CASS4: variants seen among roughly 807,000 people sequenced by gnomAD.
CASS4 encodes cas scaffolding protein family member 4.
In CASS4, 22 loss-of-function variants were observed where a neutral mutation model predicts 54.2. The observed-to-expected ratio is 0.41, with a 90% CI of 0.29 to 0.58. The LOEUF is 0.58. Ranked by LOEUF, CASS4 falls within the 20% of genes least tolerant of loss-of-function variation. The probability of loss-of-function intolerance (pLI) is 0.36; values close to 1 mark genes in which losing one functional copy is unlikely to be tolerated. For missense variants in CASS4, 854 were observed against 986.7 expected, an observed-to-expected ratio of 0.87 and a Z score of 1.80; for synonymous variants, 409 against 391.5, an observed-to-expected ratio of 1.04 and a Z score of -0.53.
At chr20:56,447,610 G>A (rs1980779297) in intron 3 of CASS4, among the ~76,000 whole-genome samples, 1 of 152,186 alleles carries the variant, frequency 6.6e-6, no homozygotes, top group Non-Finnish European at 1.5e-5. Flanking sequence ...TCCTTGCTGA[G>A]CATCTCTTAC....
chr20:56,443,746 A>T (rs1315502973), intron 2 of CASS4, among the ~76,000 whole-genome samples: 1 of 152,102 alleles, frequency 6.6e-6, no homozygotes, highest in Admixed American at 6.5e-5. Context: ...AGGCTGGACG[A>T]GGGCCGCTCT....
intron 5 of CASS4, chr20:56,453,369 T>C (rs1981136895): frequency 5.5e-6 from 2 of 364,240 alleles, no homozygotes; most frequent in South Asian, 7.6e-5. Context: ...CGAAAACTTT[T>C]GGCGTTCAAG....
chr20:56,420,747 G>A (rs1480225379), intron 1 of CASS4, among the ~76,000 whole-genome samples: 1 of 152,038 alleles, frequency 6.6e-6, no homozygotes, highest in East Asian at 1.9e-4. Flanking sequence ...AGAAGCACAA[G>A]AGTCAGTAAT....
intron 1 of CASS4, among the ~76,000 whole-genome samples, chr20:56,422,998 G>A (rs886148477): frequency 5.3e-5 from 8 of 152,164 alleles, no homozygotes; most frequent in African/African-American, 1.4e-4. Context: ...GAGAGAATGC[G>A]TTATGTAACC....
intron 3 of CASS4, among the ~76,000 whole-genome samples, chr20:56,448,058 C>A (rs1160262969): frequency 6.6e-6 from 1 of 151,208 alleles, no homozygotes; most frequent in Non-Finnish European, 1.5e-5. Flanking sequence ...AGGAGAGTGG[C>A]GTGAACCCGG....
At chr20:56,455,338 G>A (rs192928791) in intron 5 of CASS4, among the ~76,000 whole-genome samples, 62 of 152,298 alleles carry the variant, frequency 4.1e-4, no homozygotes, top group Non-Finnish European at 7.8e-4. Context: ...ACTTGTAAAG[G>A]TTGTAAAGGT....
In CASS4 at chr20:56,414,604, C is replaced by T. The variant is rs938166032; in HGVS notation, c.36+2110C>T. Among the ~76,000 whole-genome samples, 8 of 152,030 alleles carry T rather than the reference C, an allele frequency of 5.3e-5. No individual in the cohort carries two copies. Among genetic ancestry groups the T allele is most frequent in the African/African-American group, 1.9e-4 (8 of 41,404 alleles). On this transcript the variant is annotated intron_variant, in intron 1 of 5. Coordinates refer to ENST00000679887, the MANE Select transcript of CASS4 (RefSeq NM_020356.4). This position sits in a 1 kb window ranked among gnomAD's most constrained non-coding sequence, Gnocchi z 4.1. ...AATTTGTAAATAACATGCATGTTTGCATAGAACATATAATTGATATTCCCA... is the reference window on the plus strand; with the variant it reads ...AATTTGTAAATAACATGCATGTTTGTATAGAACATATAATTGATATTCCCA...
At chr20:56,422,943 G>A (rs1979478077) in intron 1 of CASS4, among the ~76,000 whole-genome samples, 2 of 152,204 alleles carry the variant, frequency 1.3e-5, no homozygotes, top group African/African-American at 2.4e-5. Context: ...GGCCACAAAG[G>A]CTATTTGCAT....
In CASS4 at chr20:56,414,567, G is replaced by A. The variant is rs781029185; in HGVS notation, c.36+2073G>A. On this transcript the variant is annotated intron_variant, in intron 1 of 5. Transcript: ENST00000679887. This position sits in a 1 kb window ranked among gnomAD's most constrained non-coding sequence, Gnocchi z 4.1. ...TACAGGATTACAGGTGCACACCACC[G>A]AGCCCCACTGCAATTTGTAAATAAC... is the stretch of plus-strand genomic sequence containing the variant. Among the ~76,000 whole-genome samples the A allele has an allele frequency of 2.0e-4, 31 of 151,870 alleles. No homozygotes were observed. Among genetic ancestry groups the A allele is most frequent in the Non-Finnish European group, 3.5e-4 (24 of 67,984 alleles).
At chr20:56,429,270 C>T (rs943066969) in intron 1 of CASS4, among the ~76,000 whole-genome samples, 1 of 152,158 alleles carries the variant, frequency 6.6e-6, no homozygotes, top group Non-Finnish European at 1.5e-5. Context: ...TTTCCCTGGC[C>T]CATTCAGCAG....
chr20:56,455,597 C>T (rs1215072626), intron 5 of CASS4, among the ~76,000 whole-genome samples: 1 of 152,224 alleles, frequency 6.6e-6, no homozygotes, highest in Non-Finnish European at 1.5e-5. Context: ...GTGGTTCTCA[C>T]ATTTGAGTGT....
Position 56,446,015 on chromosome 20 carries a change from AG to A in CASS4, c.561+18del, listed in dbSNP as rs768201081. On this transcript the variant is annotated intron_variant, in intron 3 of 5. Coordinates refer to ENST00000679887, the MANE Select transcript of CASS4 (RefSeq NM_020356.4). ...GTGGTCCTGAAGGTGAGCCTTGTTCAGGGGCCCCTCATCACCCAGACCTCTG... is the reference window on the plus strand; with the variant it reads ...GTGGTCCTGAAGGTGAGCCTTGTTCAGGGCCCCTCATCACCCAGACCTCTG... 3.2e-6 allele frequency: 5 copies of A among 1,582,032 alleles called. No individual in the cohort carries two copies. In the South Asian group the frequency reaches 5.5e-5, roughly 18 times the overall value.
Position 56,437,208 on chromosome 20 carries a change from T to C in CASS4, c.81T>C (p.Ser27=), listed in dbSNP as rs1980217032. The C allele has an allele frequency of 6.3e-7, 1 of 1,599,254 alleles. No individual in the cohort carries two copies. The highest frequency in any genetic ancestry group is 8.5e-7 in the Non-Finnish European group (1 of 1,171,234). ...TTTATGACAACTGCCCTGACTGCTC[T>C]GACGAGCTGGCTTTCAGCAGAGGGG... ...RALYDNCPDC[S]DELAFSRGDI... Residue 27 remains serine, a synonymous_variant, in exon 2 of 6, where the codon TCT becomes TCC. Transcript: ENST00000679887. The surrounding 1 kb of genome is among the most constrained non-coding windows in gnomAD (Gnocchi z 4.7).
At chr20:56,431,114 A>G (rs1194482319) in intron 1 of CASS4, among the ~76,000 whole-genome samples, 1 of 152,014 alleles carries the variant, frequency 6.6e-6, no homozygotes, top group Non-Finnish European at 1.5e-5. Context: ...ATTAGAATTT[A>G]AGTGACCTTG....
At chr20:56,456,307 C>T (rs142429715) in intron 5 of CASS4, among the ~76,000 whole-genome samples, 37 of 152,206 alleles carry the variant, frequency 2.4e-4, no homozygotes, top group African/African-American at 6.5e-4. Flanking sequence ...CACCTCCCTA[C>T]GGTTAATATT....
chr20:56,442,773 T>C lies in CASS4; in HGVS notation c.460-3127T>C, dbSNP rs112475294. ...TCAGATTTCCTGGTGAAACTGCTTT[T>C]GGATCCACTAGTTCCTGAACTGGAG... On this transcript the variant is annotated intron_variant, in intron 2 of 5. Coordinates refer to ENST00000679887, the MANE Select transcript of CASS4 (RefSeq NM_020356.4). Among the ~76,000 whole-genome samples, 13 of 152,000 alleles carry C rather than the reference T, an allele frequency of 8.6e-5. 1 individual carries two copies. Among genetic ancestry groups the C allele is most frequent in the African/African-American group, 3.2e-4 (13 of 41,244 alleles).
At chr20:56,435,773 CAG>C (rs1359839256) in intron 1 of CASS4, among the ~76,000 whole-genome samples, 2 of 152,090 alleles carry the variant, frequency 1.3e-5, no homozygotes, top group African/African-American at 2.4e-5. Context: ...GTTTTTGAGA[CAG>C]AGTCTCCCTC....
At position 56,412,317 on chromosome 20, in the gene CASS4, C is replaced by G. The variant is rs1324998078; in HGVS notation, c.-142C>G. On this transcript the variant is annotated 5_prime_UTR_variant, in exon 1 of 6. In the 5' UTR this introduces an upstream ATG that the reference lacks. Transcript: ENST00000679887. This position sits in a 1 kb window ranked among gnomAD's most constrained non-coding sequence, Gnocchi z 4.2. ...TGCCTGCTGGGAGAGTCTTTTTGATCGTTTCCCATGTGTTGTCAGATAGCT... is the reference window on the plus strand; with the variant it reads ...TGCCTGCTGGGAGAGTCTTTTTGATGGTTTCCCATGTGTTGTCAGATAGCT... The G allele has an allele frequency of 1.1e-6, 1 of 874,344 alleles. No individual in the cohort carries two copies. The highest frequency in any genetic ancestry group is 1.7e-5 in the African/African-American group (1 of 58,600). 54.2% of individuals were successfully genotyped at this position (874,344 alleles called of 1,614,324 possible).
At chr20:56,457,447 A>T (rs2870739) in intron 5 of CASS4, among the ~76,000 whole-genome samples, 61,206 of 151,986 alleles carry the variant, frequency 0.4, 13,363 homozygotes, top group East Asian at 0.93. Context: ...ATTTGGGAGA[A>T]GTTGGTTCCA....
Sources: gnomAD v4.1 joint callset for allele counts (sites outside exome capture counted in the v4.1 genomes callset) on GRCh38, gnomAD v4.1.1 for gene constraint, Gnocchi (gnomAD v3.1) non-coding constraint, MANE v1.5 for transcripts, NCBI Gene and HGNC (gene_info 2026-07-23, HGNC 2026-07-21) for gene names.